SYT16: variants seen among roughly 807,000 people sequenced by gnomAD.
The protein encoded by SYT16 is synaptotagmin-16.
SYT16 carries 42 observed loss-of-function variants against 61.4 expected under a neutral mutation model. The ratio of observed to expected loss-of-function variants is 0.68; its 90% confidence interval spans 0.53 to 0.89. The LOEUF (loss-of-function observed/expected upper bound fraction) is 0.89, where lower values mean the gene tolerates loss of function less well. Among genes scored for constraint, SYT16 ranks in the 40% least tolerant of loss-of-function variants. SYT16 has a pLI of 0.00. For synonymous variants in SYT16, 314 were observed against 302.3 expected (o/e 1.04, Z -0.40); for missense variants, 804 against 807.3 (o/e 1.00, Z 0.05).
chr14:62,026,598 AT>A (rs559363510), intron 3 of SYT16, among the ~76,000 whole-genome samples: 120 of 152,270 alleles, frequency 7.9e-4, no homozygotes, highest in Non-Finnish European at 1.4e-3. Flanking sequence ...CAACACCTGG[AT>A]TTTGAAGGAG....
chr14:61,893,280 T>C (rs2048205206), intron 1 of SYT16, among the ~76,000 whole-genome samples: 1 of 152,236 alleles, frequency 6.6e-6, no homozygotes, highest in South Asian at 2.1e-4. Flanking sequence ...ACTAAACCAA[T>C]ATAAAGTTAA....
In SYT16 at chr14:62,055,307, A is replaced by G. The variant is rs746177171; in HGVS notation, c.524-14296A>G. Among the ~76,000 whole-genome samples, 23 of 152,322 alleles carry G rather than the reference A, an allele frequency of 1.5e-4. 1 individual carries two copies. Among genetic ancestry groups the G allele is most frequent in the Non-Finnish European group, 2.8e-4 (19 of 68,026 alleles). On this transcript the variant is annotated intron_variant, in intron 3 of 7. Coordinates refer to ENST00000683842, the MANE Select transcript of SYT16 (RefSeq NM_001367656.1). ...CATACAAATGAGACAGCAGAGCTTA[A>G]AAGAGTCAGAGAGGCTGACAGTTTC... is the stretch of plus-strand genomic sequence containing the variant.
intron 3 of SYT16, among the ~76,000 whole-genome samples, chr14:62,046,749 A>G (rs1482267055): frequency 6.6e-6 from 1 of 152,196 alleles, no homozygotes; most frequent in Non-Finnish European, 1.5e-5. Flanking sequence ...AGTTTGTCAA[A>G]GATCAGATAG....
chr14:61,918,353 T>C (rs1349215310), intron 1 of SYT16, among the ~76,000 whole-genome samples: 1 of 152,100 alleles, frequency 6.6e-6, no homozygotes, highest in East Asian at 1.9e-4. Flanking sequence ...TCCATGGGGC[T>C]AGGAGCCATA....
At chr14:62,021,886 G>T (rs1054157919) in intron 3 of SYT16, among the ~76,000 whole-genome samples, 2 of 152,112 alleles carry the variant, frequency 1.3e-5, no homozygotes, top group Admixed American at 1.3e-4. Flanking sequence ...CTTGTCAGGG[G>T]TCCACTGTCT....
chr14:61,918,046 T>A (rs2049186566), intron 1 of SYT16, among the ~76,000 whole-genome samples: 1 of 151,890 alleles, frequency 6.6e-6, no homozygotes, highest in Admixed American at 6.6e-5. Context: ...ATTCAAAGAG[T>A]TTTGAATTTT....
intron 1 of SYT16, 46 bp downstream of exon 1, chr14:61,812,856 G>C (rs2045310624): frequency 6.6e-6 from 1 of 152,326 alleles, no homozygotes; most frequent in Non-Finnish European, 1.5e-5. Context: ...GGGAGGCCGC[G>C]GTGCCCAGGG....
At chr14:62,075,612 A>G (rs1267934641) in intron 5 of SYT16, among the ~76,000 whole-genome samples, 3 of 114,346 alleles carry the variant, frequency 2.6e-5, no homozygotes, top group Admixed American at 8.1e-5. Flanking sequence ...GGTAAAAAAA[A>G]AAAAAAAGAA....
intron 2 of SYT16, among the ~76,000 whole-genome samples, chr14:61,980,972 G>C (rs1283623240): frequency 6.6e-6 from 1 of 151,672 alleles, no homozygotes; most frequent in Admixed American, 6.6e-5. Flanking sequence ...GTGTGTGTGT[G>C]TGTGGTTGTG....
At chr14:61,859,194 A>G (rs1436011852) in intron 1 of SYT16, among the ~76,000 whole-genome samples, 3 of 152,128 alleles carry the variant, frequency 2.0e-5, no homozygotes, top group African/African-American at 7.2e-5. Context: ...AGCAGCCTGT[A>G]AAGTCGAGCT....
intron 1 of SYT16, among the ~76,000 whole-genome samples, chr14:61,949,756 T>C (rs1443171568): frequency 6.6e-6 from 1 of 152,200 alleles, no homozygotes; most frequent in Non-Finnish European, 1.5e-5. Flanking sequence ...ATTTGAATGA[T>C]CTCGGTTAAC....
intron 3 of SYT16, among the ~76,000 whole-genome samples, chr14:62,008,631 C>CTTT (rs374026559): frequency 5.9e-5 from 8 of 134,942 alleles, no homozygotes; most frequent in Non-Finnish European, 1.1e-4. Context: ...TTTCTGTTTT[C>CTTT]TTTTTTTTTT....
At chr14:62,014,081 C>T (rs1323984824) in intron 3 of SYT16, among the ~76,000 whole-genome samples, 6 of 152,154 alleles carry the variant, frequency 3.9e-5, no homozygotes, top group Non-Finnish European at 7.3e-5. Context: ...TTTTCATTCA[C>T]CTTCCTTTGC....
intron 1 of SYT16, among the ~76,000 whole-genome samples, chr14:61,967,690 T>G (rs1476624901): frequency 1.3e-5 from 2 of 152,176 alleles, no homozygotes; most frequent in Non-Finnish European, 2.9e-5. Context: ...TGAACTCATT[T>G]CAAAATCCTT....
intron 1 of SYT16, among the ~76,000 whole-genome samples, chr14:61,960,503 G>C (rs902473337): frequency 6.6e-6 from 1 of 152,048 alleles, no homozygotes; most frequent in Admixed American, 6.6e-5. Flanking sequence ...TCTGAGCTTG[G>C]ATATTACTTG....
intron 3 of SYT16, among the ~76,000 whole-genome samples, chr14:62,007,924 A>G (rs1053080144): frequency 6.6e-6 from 1 of 152,076 alleles, no homozygotes; most frequent in African/African-American, 2.4e-5. Flanking sequence ...TTTTTTAAAA[A>G]AGCTCAGAAG....
chr14:61,850,094 G>A (rs1289340733), intron 1 of SYT16, among the ~76,000 whole-genome samples: 1 of 150,122 alleles, frequency 6.7e-6, no homozygotes, highest in Non-Finnish European at 1.5e-5. Context: ...GGTGTAAGAT[G>A]GTATCTCAGT....
At position 62,084,261 on chromosome 14, in the gene SYT16, G is replaced by A. The variant is rs773833953; in HGVS notation, c.1500G>A (p.Ser500=). The change falls in exon 7 of 8, where the codon TCG becomes TCA. Residue 500 remains serine (S), a synonymous_variant. Transcript: ENST00000683842. ...GTGATAGTACTTCATCCACGCAGTC[G>A]CTGTCTCATGGAGGGGCGCCAGAGC... ...SHSDSTSSTQ[S]LSHGGAPELL... is the part of the protein sequence containing the mutation. The A allele has an allele frequency of 2.1e-5, 34 of 1,613,768 alleles. No individual in the cohort carries two copies. Among genetic ancestry groups the A allele is most frequent in the South Asian group, 1.1e-4 (10 of 91,072 alleles).
intron 3 of SYT16, among the ~76,000 whole-genome samples, chr14:62,052,517 C>A (rs1334739404): frequency 2.6e-5 from 4 of 152,154 alleles, no homozygotes; most frequent in African/African-American, 9.7e-5. Flanking sequence ...ACTATGTATA[C>A]TTTGATTGTT....
Sources: gnomAD v4.1 joint callset for allele counts (sites outside exome capture counted in the v4.1 genomes callset) on GRCh38, gnomAD v4.1.1 for gene constraint, MANE v1.5 for transcripts, NCBI Gene and HGNC (gene_info 2026-07-23, HGNC 2026-07-21) for gene names.